The following CNTRL variants were observed in gnomAD, a reference collection of about 807,000 sequenced individuals.
CNTRL encodes 110 kDa centrosomal protein.
A neutral mutation model predicts 303.7 loss-of-function variants in CNTRL; 233 were observed. The observed-to-expected ratio is 0.77, with a 90% CI of 0.69 to 0.86. CNTRL has a LOEUF of 0.86. CNTRL is among the 40% of genes least tolerant of loss of function. The pLI is 0.00. For missense variants in CNTRL, 2,524 were observed against 2,650.6 expected, an observed-to-expected ratio of 0.95 and a Z score of 1.05; for synonymous variants, 900 against 922.2, an observed-to-expected ratio of 0.98 and a Z score of 0.44.
At chr9:121,157,659 T>TAGA (rs937159427) in intron 28 of CNTRL, 59 bp downstream of exon 28, 137 of 1,605,486 alleles carry the variant, frequency 8.5e-5, no homozygotes, top group Middle Eastern at 5.0e-4. Context: ...AGTTTGCTTC[T>TAGA]AAGGGGATAA....
intron 7 of CNTRL, among the ~76,000 whole-genome samples, chr9:121,101,969 G>C (rs2049194859): frequency 6.6e-6 from 1 of 152,136 alleles, no homozygotes; most frequent in African/African-American, 2.4e-5. Context: ...TTCTACCAGA[G>C]GTACAAAGAG....
intron 39 of CNTRL, among the ~76,000 whole-genome samples, chr9:121,170,647 G>T (rs1452728810): frequency 6.6e-6 from 1 of 151,752 alleles, no homozygotes; most frequent in Non-Finnish European, 1.5e-5. Flanking sequence ...GTAGAGACGG[G>T]GTTCACCATG....
At chr9:121,131,811 C>T (rs1030848713) in intron 14 of CNTRL, among the ~76,000 whole-genome samples, 34 of 152,240 alleles carry the variant, frequency 2.2e-4, no homozygotes, top group African/African-American at 8.2e-4. Context: ...TTCAGGAGCT[C>T]TTGTAAGGCA....
At chr9:121,082,829 G>A (rs1308845223) in intron 2 of CNTRL, among the ~76,000 whole-genome samples, 2 of 152,072 alleles carry the variant, frequency 1.3e-5, no homozygotes, top group Non-Finnish European at 2.9e-5. Context: ...AATTAGCCAG[G>A]CGTGGTGGCA....
At chr9:121,145,458 C>T in intron 22 of CNTRL, 73 bp downstream of exon 22, 1 of 1,431,648 alleles carries the variant, frequency 7.0e-7, no homozygotes, top group Non-Finnish European at 9.4e-7. Context: ...TTGTTTTTTA[C>T]CTTTAACTGT....
At chr9:121,148,062 A>G (rs1041210992) in intron 23 of CNTRL, among the ~76,000 whole-genome samples, 2 of 152,172 alleles carry the variant, frequency 1.3e-5, no homozygotes, top group African/African-American at 4.8e-5. Flanking sequence ...ATCAAGGATG[A>G]GGTTAAAAAC....
intron 11 of CNTRL, among the ~76,000 whole-genome samples, chr9:121,116,010 A>T (rs1023165310): frequency 6.6e-6 from 1 of 152,200 alleles, no homozygotes; most frequent in African/African-American, 2.4e-5. Context: ...TCTCATGGAC[A>T]GACTTGTGGG....
chr9:121,119,289 ATCTT>A (rs1211857997), intron 12 of CNTRL, among the ~76,000 whole-genome samples: 1 of 140,188 alleles, frequency 7.1e-6, no homozygotes, highest in Non-Finnish European at 1.6e-5. Context: ...CCTTTTTTTC[ATCTT>A]TCTTTCTCTC....
At chr9:121,139,046 C>A (rs2051356644) in intron 16 of CNTRL, among the ~76,000 whole-genome samples, 1 of 152,104 alleles carries the variant, frequency 6.6e-6, no homozygotes, top group Non-Finnish European at 1.5e-5. Flanking sequence ...ACTGAAATGT[C>A]TTTGTAATTA....
At chr9:121,177,142 C>T (rs1295800962) in intron 43 of CNTRL, 21 bp from the exon 44 acceptor site, 2 of 1,603,306 alleles carry the variant, frequency 1.2e-6, no homozygotes, top group South Asian at 1.1e-5. Context: ...TTGATTTATC[C>T]TTCCTTTTGT....
At chr9:121,083,380 T>A (rs540706453) in intron 2 of CNTRL, among the ~76,000 whole-genome samples, 12 of 152,202 alleles carry the variant, frequency 7.9e-5, no homozygotes, top group Non-Finnish European at 1.8e-4. Context: ...TTAAAAACTT[T>A]TTTACTTTTT....
At chr9:121,169,922 C>A in intron 39 of CNTRL, 106 bp downstream of exon 39, 1 of 899,702 alleles carries the variant, frequency 1.1e-6, no homozygotes, top group South Asian at 1.6e-5. Context: ...TCAACCCAGT[C>A]CTGAACCCAG....
chr9:121,161,246 AT>A (rs1160590358), intron 32 of CNTRL: 12 of 437,084 alleles, frequency 2.7e-5, no homozygotes, highest in South Asian at 1.1e-4. Context: ...GTGGGTTTTC[AT>A]TTTTTTCTCT....
At chr9:121,136,004 A>C in intron 15 of CNTRL, 22 bp downstream of exon 15, 1 of 1,568,574 alleles carries the variant, frequency 6.4e-7, no homozygotes, top group South Asian at 1.2e-5. Context: ...CATGAAGCCA[A>C]CTGCAAACTA....
chr9:121,115,024 G>C, intron 10 of CNTRL, 67 bp from the exon 11 acceptor site: 2 of 972,872 alleles, frequency 2.1e-6, no homozygotes, highest in South Asian at 1.6e-5. Context: ...AGAATACCTG[G>C]TTGAAATTTC....
rs1292519458 is a variant in CNTRL at position 121,144,911 on chromosome 9, A to G, written c.3120A>G (p.Glu1040=). 2.5e-6 allele frequency: 4 copies of G among 1,613,504 alleles called. No homozygotes were observed. The highest frequency in any genetic ancestry group is 2.7e-5 in the African/African-American group (2 of 74,922). The part of the protein sequence containing the change: ...AQAARDLTRA[E]AEIELLQNLL... The stretch of plus-strand genomic sequence containing the variant: ...CAGCCAGAGATCTCACCCGAGCAGA[A>G]GCTGAGATCGAACTCCTGCAGAATC... Residue 1040 remains glutamate, a synonymous_variant, in exon 21 of 44, where the codon GAA becomes GAG. Coordinates refer to ENST00000373855, the MANE Select transcript of CNTRL (RefSeq NM_007018.6).
chr9:121,129,210 G>T (rs540412012), intron 14 of CNTRL, among the ~76,000 whole-genome samples: 1 of 152,270 alleles, frequency 6.6e-6, no homozygotes, highest in African/African-American at 2.4e-5. Context: ...GAATGGCATT[G>T]AATCTATAAA....
chr9:121,128,308 T>A (rs1479243847), intron 14 of CNTRL, among the ~76,000 whole-genome samples: 3 of 152,236 alleles, frequency 2.0e-5, no homozygotes, highest in African/African-American at 7.2e-5. Context: ...CAGCATCTGT[T>A]GTTTCCTGAC....
intron 19 of CNTRL, 56 bp downstream of exon 19, chr9:121,142,326 A>C (rs1367166786): frequency 6.8e-7 from 1 of 1,469,746 alleles, no homozygotes; most frequent in African/African-American, 1.4e-5. Flanking sequence ...TGTCCTGCCC[A>C]CTGGCAACTA....
Sources: allele counts gnomAD v4.1 joint callset (sites outside exome capture counted in the v4.1 genomes callset), GRCh38; gene constraint gnomAD v4.1.1; transcripts MANE v1.5; gene names NCBI Gene and HGNC (gene_info 2026-07-23, HGNC 2026-07-21).